Variants in MLIP observed in about 807,000 individuals in gnomAD.
MLIP encodes the protein muscular LMNA-interacting protein.
MLIP carries 79 observed loss-of-function variants against 84.8 expected under a neutral mutation model. The observed-to-expected ratio is 0.93, with a 90% CI of 0.78 to 1.12. The LOEUF (loss-of-function observed/expected upper bound fraction) is 1.12. Among genes scored for constraint, MLIP ranks in the 50% most tolerant of loss-of-function variants. The pLI is 0.00. For synonymous variants in MLIP, 504 were observed against 463.0 expected, an observed-to-expected ratio of 1.09 and a Z score of -1.14; for missense variants, 1,257 against 1,160.6, an observed-to-expected ratio of 1.08 and a Z score of -1.21.
rs550250233 is a variant in MLIP at position 54,243,070 on chromosome 6, T to C, written c.2922+12153T>C. 1.8e-4 allele frequency among the ~76,000 whole-genome samples: 28 copies of C among 152,136 alleles called. No individual in the cohort carries two copies. The South Asian group carries it at 5.8e-3, about 32-fold the overall frequency. Reference sequence around the variant, plus strand: ...CTTTTCCAAGTCCTTATTTTCTACATAGGGAAAACAGAAATTAAAGAAGAA... The same window carrying C: ...CTTTTCCAAGTCCTTATTTTCTACACAGGGAAAACAGAAATTAAAGAAGAA... On this transcript the variant is annotated intron_variant, in intron 12 of 13. Transcript: ENST00000502396.
At chr6:54,109,924 T>TCTTCCTTCCTTCCTTCCTTCCTTCTTTC (rs1769308619), upstream of MLIP, among the ~76,000 whole-genome samples, 17 of 65,902 alleles carry the variant, frequency 2.6e-4, no homozygotes, top group East Asian at 8.5e-3. Flanking sequence ...TTTCTTTCTT[T>TCTTCCTTCCTTCCTTCCTTCCTTCTTTC]CTTCCTTCCT....
chr6:54,252,275 A>G (rs1434657140), intron 12 of MLIP, among the ~76,000 whole-genome samples: 1 of 114,890 alleles, frequency 8.7e-6, no homozygotes, highest in Non-Finnish European at 1.6e-5. Context: ...AATATATAAT[A>G]TAACTATAAT....
chr6:54,103,692 G>A (rs1217166140), intron 1 of MLIP, among the ~76,000 whole-genome samples: 1 of 152,172 alleles, frequency 6.6e-6, no homozygotes, highest in Non-Finnish European at 1.5e-5. Flanking sequence ...TAATTCTGCT[G>A]AGTCATGTAT....
chr6:54,206,109 G>A (rs1779017550), intron 11 of MLIP, among the ~76,000 whole-genome samples: 1 of 152,036 alleles, frequency 6.6e-6, no homozygotes, highest in East Asian at 1.9e-4. Flanking sequence ...AGAGCTGAAT[G>A]GTATTTAGTT....
chr6:54,022,098 C>G (rs770120333), intron 1 of MLIP, among the ~76,000 whole-genome samples: 2 of 152,166 alleles, frequency 1.3e-5, no homozygotes, highest in Non-Finnish European at 2.9e-5. Flanking sequence ...TTTTTCCTAT[C>G]ATGTATTTTC....
chr6:54,236,240 T>C (rs1781352185), intron 12 of MLIP, among the ~76,000 whole-genome samples: 1 of 151,578 alleles, frequency 6.6e-6, no homozygotes, highest in African/African-American at 2.4e-5. Context: ...ATTCGAATCC[T>C]CTATGTTCCC....
At chr6:54,246,073 C>T (rs1034178794) in intron 12 of MLIP, among the ~76,000 whole-genome samples, 1 of 152,122 alleles carries the variant, frequency 6.6e-6, no homozygotes, top group Non-Finnish European at 1.5e-5. Context: ...ACTCATTCGC[C>T]TTCATATAAG....
chr6:54,041,513 G>T (rs1019967763), intron 1 of MLIP, among the ~76,000 whole-genome samples: 1 of 151,980 alleles, frequency 6.6e-6, no homozygotes, highest in Non-Finnish European at 1.5e-5. Context: ...TTTTTCCAGG[G>T]TGGCCAAAAT....
At chr6:54,131,385 A>AT (rs1186727247) in intron 3 of MLIP, among the ~76,000 whole-genome samples, 2 of 151,812 alleles carry the variant, frequency 1.3e-5, no homozygotes, top group South Asian at 2.1e-4. Flanking sequence ...TTTAATTTTT[A>AT]TTTTTTTTAA....
chr6:54,111,243 C>T (rs1432751189), upstream of MLIP, among the ~76,000 whole-genome samples: 2 of 151,976 alleles, frequency 1.3e-5, no homozygotes, highest in African/African-American at 4.8e-5. Flanking sequence ...CTTTTTTTCA[C>T]TTCTACTGAT....
intron 12 of MLIP, among the ~76,000 whole-genome samples, chr6:54,237,446 G>C (rs1272642947): frequency 6.6e-6 from 1 of 151,994 alleles, no homozygotes; most frequent in East Asian, 1.9e-4. Flanking sequence ...GGTATATGTG[G>C]CTCAATGACT....
intron 5 of MLIP, among the ~76,000 whole-genome samples, chr6:54,155,624 A>G (rs1030884795): frequency 1.3e-5 from 2 of 152,106 alleles, no homozygotes; most frequent in African/African-American, 4.8e-5. Flanking sequence ...CATATATTTG[A>G]CTAAAAAGTG....
At chr6:54,113,368 G>A (rs1251748164) in intron 1 of MLIP, among the ~76,000 whole-genome samples, 4 of 152,080 alleles carry the variant, frequency 2.6e-5, no homozygotes, top group African/African-American at 9.7e-5. Context: ...GATGAGATTA[G>A]TTATGTGATG....
chr6:54,020,174 A>G (rs1430758602), intron 1 of MLIP, among the ~76,000 whole-genome samples: 2 of 152,190 alleles, frequency 1.3e-5, no homozygotes, highest in Non-Finnish European at 2.9e-5. Flanking sequence ...ACTACCAAAT[A>G]TAAGACCATG....
intron 4 of MLIP, among the ~76,000 whole-genome samples, chr6:54,139,101 A>G (rs11965480): frequency 0.07 from 10,696 of 152,260 alleles, 549 homozygotes; most frequent in East Asian, 0.23. Context: ...AATACCTGCT[A>G]TATGTGTACC....
intron 3 of MLIP, among the ~76,000 whole-genome samples, chr6:54,132,841 A>G (rs1222288485): frequency 2.0e-5 from 3 of 152,218 alleles, no homozygotes; most frequent in African/African-American, 4.8e-5. Context: ...AGCCCCACTC[A>G]GCTTGCGCCC....
At chr6:54,110,900 G>T (rs1360570605), upstream of MLIP, among the ~76,000 whole-genome samples, 2 of 152,200 alleles carry the variant, frequency 1.3e-5, no homozygotes, top group Non-Finnish European at 2.9e-5. Context: ...AGGTGATTTT[G>T]TTAATAACAT....
At position 54,230,905 on chromosome 6, in the gene MLIP, C is replaced by A. The variant is rs755189361; in HGVS notation, c.2910C>A (p.Asn970Lys). 1 of 1,613,856 alleles carries A rather than the reference C, an allele frequency of 6.2e-7. No homozygotes were observed. Among genetic ancestry groups the A allele is most frequent in the Non-Finnish European group, 8.5e-7 (1 of 1,179,898 alleles). Residue 970 changes from asparagine (N) to lysine (K), a missense_variant, in exon 12 of 14, where the codon AAC (asparagine) becomes AAA (lysine). Transcript: ENST00000502396. Reference protein sequence around the residue: ...QENSHTLLSHNACNKLSHPMV... With the variant: ...QENSHTLLSHKACNKLSHPMV... ...ATTCTCACACCCTCCTCAGTCACAA[C>A]GCATGCAACAAGGTGAGAACTCCTC...
intron 12 of MLIP, among the ~76,000 whole-genome samples, chr6:54,251,220 G>C (rs1782455415): frequency 6.6e-6 from 1 of 151,392 alleles, no homozygotes; most frequent in African/African-American, 2.4e-5. Flanking sequence ...CAAAGATATT[G>C]GCAATGACTT....
Sources: allele counts gnomAD v4.1 joint callset (sites outside exome capture counted in the v4.1 genomes callset), GRCh38; gene constraint gnomAD v4.1.1; transcripts MANE v1.5; gene names NCBI Gene and HGNC (gene_info 2026-07-23, HGNC 2026-07-21).